Variants in ZNF558 observed in about 807,000 individuals in gnomAD.
ZNF558 encodes the protein zinc finger protein 558.
ZNF558 carries 23 observed loss-of-function variants against 37.6 expected under a neutral mutation model. The observed-to-expected ratio is 0.61, with a 90% CI of 0.44 to 0.87. The LOEUF (loss-of-function observed/expected upper bound fraction) is 0.87, where lower values mean the gene tolerates loss of function less well. Among genes scored for constraint, ZNF558 ranks in the 40% least tolerant of loss-of-function variants. The pLI is 0.00. For missense variants in ZNF558, 429 were observed against 483.7 expected (o/e 0.89, Z 1.06); for synonymous variants, 189 against 174.4 (o/e 1.08, Z -0.66).
chr19:8,811,191 A>T lies in ZNF558; in HGVS notation c.*90T>A. 7.3e-7 allele frequency: 1 copy of T among 1,373,900 alleles called. No individual in the cohort carries two copies. Among genetic ancestry groups the T allele is most frequent in the Non-Finnish European group, 9.8e-7 (1 of 1,021,310 alleles). 85.1% of individuals were successfully genotyped at this position (1,373,900 alleles called of 1,614,324 possible). A position where few individuals can be genotyped will look rare whatever the true frequency, so the allele number is the denominator to read the frequency against. On this transcript the variant is annotated 3_prime_UTR_variant, in exon 10 of 10. Transcript: ENST00000601372. ...GGGGATCATTTGTTATGCTGCAACA[A>T]ATAACTTATATATCCAGTGTGAGCT...
chr19:8,825,295 T>A (rs529073169), intron 2 of ZNF558, among the ~76,000 whole-genome samples, 187 bp from the exon 3 acceptor site: 3 of 152,286 alleles, frequency 2.0e-5, no homozygotes, highest in African/African-American at 7.2e-5. Flanking sequence ...CAGTAGGGGA[T>A]TGGGTGAATA....
chr19:8,833,459 GAT>G (rs2044410836), upstream of ZNF558: 1 of 152,272 alleles, frequency 6.6e-6, no homozygotes, highest in African/African-American at 2.4e-5. Context: ...TATCTTTCCA[GAT>G]ATAGTGTGGA....
Position 8,813,401 on chromosome 19 carries a change from C to CG in ZNF558, c.248-180dup, listed in dbSNP as rs568134074. Among the ~76,000 whole-genome samples the CG allele has an allele frequency of 1.0e-3, 159 of 152,206 alleles. 1 individual carries two copies. Among genetic ancestry groups the CG allele is most frequent in the African/African-American group, 3.5e-3 (145 of 41,534 alleles). ...TGAGATGGAGTCTTGCTCTGTCGCCCGGGTTGAAGTGCAGTGGCATGATCT... is the reference window on the plus strand; with the variant it reads ...TGAGATGGAGTCTTGCTCTGTCGCCCGGGGTTGAAGTGCAGTGGCATGATCT... On this transcript the variant is annotated intron_variant, in intron 7 of 9. Transcript: ENST00000601372.
chr19:8,807,053 A>G lies in ZNF558; in HGVS notation c.*4228T>C, dbSNP rs957713441. On this transcript the variant is annotated 3_prime_UTR_variant, in exon 10 of 10. Coordinates refer to ENST00000601372, the MANE Select transcript of ZNF558 (RefSeq NM_144693.3). ...TTTGTCTGCTAACTCCAATACCCAAATTGTCTCTGGATCTGCTATTGATTT... is the reference window on the plus strand; with the variant it reads ...TTTGTCTGCTAACTCCAATACCCAAGTTGTCTCTGGATCTGCTATTGATTT... 6 of 152,152 alleles carry G rather than the reference A, an allele frequency of 3.9e-5. No individual in the cohort carries two copies. The highest frequency in any genetic ancestry group is 8.8e-5 in the Non-Finnish European group (6 of 68,046). The allele number at this position is 152,152 out of a possible 1,614,324, so 9.4% of individuals were successfully genotyped here. A position where few individuals can be genotyped will look rare whatever the true frequency, so the allele number is the denominator to read the frequency against.
At chr19:8,819,882 A>G (rs1296196259) in intron 7 of ZNF558, among the ~76,000 whole-genome samples, 1 of 152,200 alleles carries the variant, frequency 6.6e-6, no homozygotes, top group East Asian at 1.9e-4. Flanking sequence ...CAGAGGTTGC[A>G]GTGAGCCGAG....
chr19:8,829,653 C>T (rs930369847), intron 2 of ZNF558, among the ~76,000 whole-genome samples: 5 of 152,162 alleles, frequency 3.3e-5, no homozygotes, highest in South Asian at 2.1e-4. Flanking sequence ...CTCATGGAGG[C>T]GACCTGGTTT....
rs191525498 is a variant in ZNF558 at position 8,823,760 on chromosome 19, C to T, written c.-66+322G>A. ...CCCTACCCCCCACTGTCATGCCAGC[C>T]CAGCAGAACTCCAGCCAGGCGTGAC... is the stretch of plus-strand genomic sequence containing the variant. On this transcript the variant is annotated intron_variant, in intron 4 of 9. Transcript: ENST00000601372. The T allele has an allele frequency of 1.2e-3, 176 of 152,632 alleles. 2 individuals are homozygous for T. Among genetic ancestry groups the T allele is most frequent in the South Asian group, 6.4e-3 (31 of 4,830 alleles). 9.5% of individuals were successfully genotyped at this position (152,632 alleles called of 1,614,324 possible). A position where few individuals can be genotyped will look rare whatever the true frequency, so the allele number is the denominator to read the frequency against.
In ZNF558 at chr19:8,807,424, CCTGA is replaced by C. The variant is rs1420470706; in HGVS notation, c.*3853_*3856del. On this transcript the variant is annotated 3_prime_UTR_variant, in exon 10 of 10. Transcript: ENST00000601372. ...TGTCAACCTGAGTTCCTGCTGGGAC[CCTGA>C]CTGATGTGCCAACTCACTGAAATAA... is the stretch of plus-strand genomic sequence containing the variant. 2 of 152,222 alleles carry C rather than the reference CCTGA, an allele frequency of 1.3e-5. No homozygotes were observed. The highest frequency in any genetic ancestry group is 4.8e-5 in the African/African-American group (2 of 41,402). The allele number at this position is 152,222 out of a possible 1,614,324, so 9.4% of individuals were successfully genotyped here. A position where few individuals can be genotyped will look rare whatever the true frequency, so the allele number is the denominator to read the frequency against.
chr19:8,824,116 C>T lies in ZNF558; in HGVS notation c.-100G>A, dbSNP rs541424024. On this transcript the variant is annotated 5_prime_UTR_variant, in exon 4 of 10. Coordinates refer to ENST00000601372, the MANE Select transcript of ZNF558 (RefSeq NM_144693.3). ...CAGCAGAATATGGCTGAGGAGACAG[C>T]GGGGGTGGGTGCAGGGGTGACTTTC... 3.5e-3 allele frequency: 536 copies of T among 152,480 alleles called. 3 individuals carry two copies. The highest frequency in any genetic ancestry group is 0.011 in the African/African-American group (468 of 41,514). 9.4% of individuals were successfully genotyped at this position (152,480 alleles called of 1,614,324 possible).
chr19:8,820,656 T>G (rs1048123497), intron 7 of ZNF558, among the ~76,000 whole-genome samples: 1 of 152,108 alleles, frequency 6.6e-6, no homozygotes, highest in South Asian at 2.1e-4. Context: ...ATTTGTATTT[T>G]TAGTGGAGAT....
Position 8,811,209 on chromosome 19 carries a change from T to C in ZNF558, c.*72A>G. The C allele has an allele frequency of 1.4e-6, 2 of 1,454,826 alleles. No homozygotes were observed. The highest frequency in any genetic ancestry group is 2.3e-5 in the East Asian group (1 of 43,674). The allele number at this position is 1,454,826 out of a possible 1,614,324, so 90.1% of individuals were successfully genotyped here. A position where few individuals can be genotyped will look rare whatever the true frequency, so the allele number is the denominator to read the frequency against. ...TGCAACAAATAACTTATATATCCAG[T>C]GTGAGCTCTCTCAAACTATCTTAGG... is the stretch of plus-strand genomic sequence containing the variant. On this transcript the variant is annotated 3_prime_UTR_variant, in exon 10 of 10. Transcript: ENST00000601372.
In ZNF558 at chr19:8,811,032, G is replaced by A. The variant is rs1174320251; in HGVS notation, c.*249C>T. The A allele has an allele frequency of 2.4e-6, 1 of 414,056 alleles. No homozygotes were observed. 25.6% of individuals were successfully genotyped at this position (414,056 alleles called of 1,614,324 possible). On this transcript the variant is annotated 3_prime_UTR_variant, in exon 10 of 10. Transcript: ENST00000601372. ...AAAGATGTTAGATGACTATAGCTTT[G>A]GCTGACATCTTGATTGTAAGTAAAG...
At chr19:8,834,039 G>T (rs1261055092), upstream of ZNF558, among the ~76,000 whole-genome samples, 1 of 152,102 alleles carries the variant, frequency 6.6e-6, no homozygotes, top group South Asian at 2.1e-4. Flanking sequence ...AAAGATACTG[G>T]TAAGTGCAAA....
intron 9 of ZNF558, 21 bp from the exon 10 acceptor site, chr19:8,812,084 G>A (rs1555768467): frequency 6.6e-7 from 1 of 1,507,528 alleles, no homozygotes; most frequent in Non-Finnish European, 8.9e-7. Flanking sequence ...AGAGATGAAT[G>A]ATAACTATAA....
Position 8,806,272 on chromosome 19 carries a change from C to A in ZNF558, c.*5009G>T, listed in dbSNP as rs143702819. The stretch of plus-strand genomic sequence containing the variant: ...GTCAGTACTGATTTATATTTACTTG[C>A]ATCTTATGTTTCCTGTTGATCTTAA... On this transcript the variant is annotated 3_prime_UTR_variant, in exon 10 of 10. Coordinates refer to ENST00000601372, the MANE Select transcript of ZNF558 (RefSeq NM_144693.3). 2 of 152,264 alleles carry A rather than the reference C, an allele frequency of 1.3e-5. No individual in the cohort carries two copies. Among genetic ancestry groups the A allele is most frequent in the Non-Finnish European group, 2.9e-5 (2 of 68,006 alleles). The allele number at this position is 152,264 out of a possible 1,614,324, so 9.4% of individuals were successfully genotyped here.
chr19:8,812,008 A>G lies in ZNF558; in HGVS notation c.482T>C (p.Phe161Ser). ...CTGAGTTAGGTTAGATTTCGTGCTG[A>G]AGACTTTAAAACACTGATTACATTC... ...LNECNQCFKV[F>S]STKSNLTQHK... The change falls in exon 10 of 10, where the codon TTC becomes TCC. Residue 161 changes from phenylalanine to serine, a missense_variant. Coordinates refer to ENST00000601372, the MANE Select transcript of ZNF558 (RefSeq NM_144693.3). 6.2e-7 allele frequency: 1 copy of G among 1,612,800 alleles called. No homozygotes were observed. The highest frequency in any genetic ancestry group is 8.5e-7 in the Non-Finnish European group (1 of 1,179,308).
At position 8,811,167 on chromosome 19, in the gene ZNF558, G is replaced by T. The variant is rs10407106; in HGVS notation, c.*114C>A. Reference sequence around the variant, plus strand: ...CGTGTTTGAAGCCACAAAATTTGCGGGGATCATTTGTTATGCTGCAACAAA... The same window carrying T: ...CGTGTTTGAAGCCACAAAATTTGCGTGGATCATTTGTTATGCTGCAACAAA... On this transcript the variant is annotated 3_prime_UTR_variant, in exon 10 of 10. Coordinates refer to ENST00000601372, the MANE Select transcript of ZNF558 (RefSeq NM_144693.3). 5,596 of 1,166,518 alleles carry T rather than the reference G, an allele frequency of 4.8e-3. 200 individuals are homozygous for T. The African/African-American group carries it at 0.079, about 16-fold the overall frequency. The allele number at this position is 1,166,518 out of a possible 1,614,324, so 72.3% of individuals were successfully genotyped here.
At chr19:8,836,140 T>C (rs1023322888), upstream of ZNF558, among the ~76,000 whole-genome samples, 1 of 152,178 alleles carries the variant, frequency 6.6e-6, no homozygotes, top group Non-Finnish European at 1.5e-5. Context: ...CTGTACACTT[T>C]AAAAGGTTGA....
intron 9 of ZNF558, 82 bp from the exon 10 acceptor site, chr19:8,812,145 G>A: frequency 8.1e-7 from 1 of 1,241,614 alleles, no homozygotes; most frequent in Non-Finnish European, 1.1e-6. Flanking sequence ...TCTCTCCCAG[G>A]AATTCTGTTA....
Sources: gnomAD v4.1 joint callset for allele counts (sites outside exome capture counted in the v4.1 genomes callset) on GRCh38, gnomAD v4.1.1 for gene constraint, MANE v1.5 for transcripts, NCBI Gene and HGNC (gene_info 2026-07-23, HGNC 2026-07-21) for gene names.